The following IQSEC1 variants were observed in gnomAD, a reference collection of about 807,000 sequenced individuals.
IQSEC1 encodes IQ motif and SEC7 domain-containing protein 1.
In IQSEC1, 31 loss-of-function variants were observed where a neutral mutation model predicts 91.0. That is an observed-to-expected ratio of 0.34 (90% CI 0.26 to 0.46). The LOEUF (loss-of-function observed/expected upper bound fraction) is 0.46. Ranked by LOEUF, IQSEC1 falls within the 20% of genes least tolerant of loss-of-function variation. The probability of loss-of-function intolerance (pLI) is 1.00; values close to 1 mark genes in which losing one functional copy is unlikely to be tolerated. For synonymous variants in IQSEC1, 699 were observed against 662.6 expected, an observed-to-expected ratio of 1.05 and a Z score of -0.84; for missense variants, 1,388 against 1,575.6, an observed-to-expected ratio of 0.88 and a Z score of 2.02.
rs1559265467 is a variant in IQSEC1 at position 13,154,440 on chromosome 3, T to TATATAC, written c.302+9663_302+9664insGTATAT. 9.8e-4 allele frequency among the ~76,000 whole-genome samples: 20 copies of TATATAC among 20,488 alleles called. 4 individuals carry two copies. The highest frequency in any genetic ancestry group is 4.7e-3 in the East Asian group (1 of 214). 13.4% of individuals were successfully genotyped at this position (20,488 alleles called of 152,430 possible). On this transcript the variant is annotated intron_variant, in intron 2 of 15. Transcript: ENST00000648114. ...ACCAGGAAGCTGGAACTTACATGCA[T>TATATAC]ATATATATATATATATATATATATA...
upstream of IQSEC1, among the ~76,000 whole-genome samples, chr3:13,075,793 G>A (rs957198434): frequency 5.9e-5 from 9 of 152,150 alleles, no homozygotes; most frequent in African/African-American, 2.2e-4. Flanking sequence ...ATCCAGCGCC[G>A]GACCAGGCAC....
rs559305190 is a variant in IQSEC1 at position 13,214,806 on chromosome 3, G to A, written c.273-50673C>T. Among the ~76,000 whole-genome samples the A allele has an allele frequency of 9.2e-5, 14 of 152,338 alleles. No homozygotes were observed. The highest frequency in any genetic ancestry group is 3.4e-4 in the African/African-American group (14 of 41,590). ...GATGGTGTGCGGCACCTGGCATTCT[G>A]GAACTTCTCTTTCTGTGTAAAGAGC... On this transcript the variant is annotated intron_variant, in intron 1 of 15. Coordinates refer to the IQSEC1 transcript ENST00000648114. This position sits in a 1 kb window ranked among gnomAD's most constrained non-coding sequence, Gnocchi z 4.5.
intron 1 of IQSEC1, chr3:13,047,409 TG>T: frequency 1.1e-6 from 1 of 877,018 alleles, no homozygotes; most frequent in Non-Finnish European, 1.4e-6. Flanking sequence ...GGCCTGCCTC[TG>T]GGTGCAGATG....
chr3:13,154,377 A>G (rs1373173814), intron 2 of IQSEC1, among the ~76,000 whole-genome samples: 1 of 144,308 alleles, frequency 6.9e-6, no homozygotes, highest in Non-Finnish European at 1.5e-5. Context: ...GCTAATGGGC[A>G]TCTGCACCCA....
chr3:13,127,075 G>C (rs1706526063), intron 2 of IQSEC1, among the ~76,000 whole-genome samples: 2 of 152,156 alleles, frequency 1.3e-5, no homozygotes, highest in Admixed American at 1.3e-4. Context: ...AATTGCTTTT[G>C]CATCTTTGTT....
chr3:12,967,845 A>G lies in IQSEC1; in HGVS notation c.24-25980T>C. 1 of 239,148 alleles carries G rather than the reference A, an allele frequency of 4.2e-6. No homozygotes were observed. Among genetic ancestry groups the G allele is most frequent in the Non-Finnish European group, 6.2e-6 (1 of 160,818 alleles). 14.8% of individuals were successfully genotyped at this position (239,148 alleles called of 1,614,324 possible). On this transcript the variant is annotated intron_variant, in intron 1 of 13. Coordinates refer to ENST00000613206, the MANE Select transcript of IQSEC1 (RefSeq NM_001134382.3). This position sits in a 1 kb window ranked among gnomAD's most constrained non-coding sequence, Gnocchi z 5.9. ...ACTGCACGGAGCGTGTGGGGAAGAG[A>G]GCACAGGAGGCGTGGCCACACGGCG...
intron 2 of IQSEC1, among the ~76,000 whole-genome samples, chr3:13,164,049 A>G (rs1693414876): frequency 6.6e-6 from 1 of 152,160 alleles, no homozygotes; most frequent in Non-Finnish European, 1.5e-5. Flanking sequence ...GGTTTCATCA[A>G]CGCCGCTCAC....
At chr3:13,083,335 T>A (rs1705678352) in intron 2 of IQSEC1, among the ~76,000 whole-genome samples, 1 of 152,180 alleles carries the variant, frequency 6.6e-6, no homozygotes, top group Non-Finnish European at 1.5e-5. Flanking sequence ...CACTCACTGG[T>A]CCTTCACCCA....
At chr3:13,014,860 T>C (rs532745868) in intron 1 of IQSEC1, among the ~76,000 whole-genome samples, 11 of 152,286 alleles carry the variant, frequency 7.2e-5, no homozygotes, top group African/African-American at 2.4e-4. Context: ...TTCAGAAAGA[T>C]ACTGAACTTG....
At chr3:13,153,485 T>G (rs1337472420) in intron 2 of IQSEC1, among the ~76,000 whole-genome samples, 1 of 152,146 alleles carries the variant, frequency 6.6e-6, no homozygotes, top group African/African-American at 2.4e-5. Flanking sequence ...CAGAGCAAAG[T>G]GCACTCATAG....
chr3:13,129,961 C>A (rs1031845643), intron 2 of IQSEC1, among the ~76,000 whole-genome samples: 17 of 151,818 alleles, frequency 1.1e-4, no homozygotes, highest in African/African-American at 4.1e-4. Flanking sequence ...CCTGGCCACA[C>A]CTTATGAATT....
chr3:13,061,291 C>T (rs1452785358), intron 1 of IQSEC1, among the ~76,000 whole-genome samples: 2 of 152,148 alleles, frequency 1.3e-5, no homozygotes, highest in Admixed American at 6.5e-5. Flanking sequence ...AAGGGTTTCC[C>T]CTCCTTGAGA....
At chr3:13,087,015 C>T (rs1279233098) in intron 2 of IQSEC1, among the ~76,000 whole-genome samples, 1 of 152,218 alleles carries the variant, frequency 6.6e-6, no homozygotes, top group Non-Finnish European at 1.5e-5. Flanking sequence ...AATGAATGAC[C>T]TCAAGCCACA....
chr3:13,280,261 C>T (rs1412473043), intron 1 of IQSEC1, among the ~76,000 whole-genome samples: 2 of 152,210 alleles, frequency 1.3e-5, no homozygotes, highest in Non-Finnish European at 2.9e-5. Flanking sequence ...TCCATTCTTC[C>T]TCTTATGTTT....
rs1314069234 is a variant in IQSEC1 at position 12,936,218 on chromosome 3, T to C, written c.798A>G (p.Glu266=). ...ALDAARARDT[E]PQTALHGMDH... is the part of the protein sequence containing the mutation. ...CCATGCCGTGCAGGGCTGTCTGGGG[T>C]TCGGTGTCCCGGGCCCGCGCCGCAT... Residue 266 remains glutamate, a synonymous_variant, in exon 3 of 14, where the codon GAA becomes GAG. Coordinates refer to ENST00000613206, the MANE Select transcript of IQSEC1 (RefSeq NM_001134382.3). 2 of 1,612,984 alleles carry C rather than the reference T, an allele frequency of 1.2e-6. No homozygotes were observed. The highest frequency in any genetic ancestry group is 1.7e-6 in the Non-Finnish European group (2 of 1,179,940).
chr3:13,199,252 T>C (rs1694192710), intron 1 of IQSEC1, among the ~76,000 whole-genome samples: 1 of 152,112 alleles, frequency 6.6e-6, no homozygotes, highest in Admixed American at 6.5e-5. Flanking sequence ...TTTGTGGAGG[T>C]GGCCGCACCT....
At chr3:13,171,076 G>A (rs1576281109) in intron 1 of IQSEC1, among the ~76,000 whole-genome samples, 1 of 151,278 alleles carries the variant, frequency 6.6e-6, no homozygotes, top group East Asian at 1.9e-4. Context: ...CTCCAGCCTG[G>A]CAACACAGCA....
chr3:13,036,101 G>A lies in IQSEC1; in HGVS notation c.23+36891C>T, dbSNP rs564727380. On this transcript the variant is annotated intron_variant, in intron 1 of 13. Transcript: ENST00000613206. ...GCTGACATTGAGTAGAGCAGGCTCT[G>A]CCCAAGTTGCAGTTCTATGGGATTT... Among the ~76,000 whole-genome samples, 8 of 152,344 alleles carry A rather than the reference G, an allele frequency of 5.3e-5. No homozygotes were observed. In the East Asian group the frequency reaches 1.3e-3, roughly 26 times the overall value.
At chr3:13,219,683 G>A (rs917656736) in intron 1 of IQSEC1, among the ~76,000 whole-genome samples, 1 of 152,256 alleles carries the variant, frequency 6.6e-6, no homozygotes, top group Non-Finnish European at 1.5e-5. Context: ...GCTTGCTGGG[G>A]CAGTGGCGCC....
Sources: gnomAD v4.1 joint callset for allele counts (sites outside exome capture counted in the v4.1 genomes callset) on GRCh38, gnomAD v4.1.1 for gene constraint, Gnocchi (gnomAD v3.1) non-coding constraint, MANE v1.5 for transcripts, NCBI Gene and HGNC (gene_info 2026-07-23, HGNC 2026-07-21) for gene names.